ALK: variants seen among roughly 807,000 people sequenced by gnomAD.
The protein encoded by ALK is ALK receptor tyrosine kinase, also known as ALK tyrosine kinase receptor.
Under a neutral mutation model 163.1 loss-of-function variants are expected in ALK, and 74 were observed. The observed-to-expected ratio is 0.45, with a 90% confidence interval of 0.38 to 0.55. ALK has a LOEUF of 0.55. ALK is among the 20% of genes least tolerant of loss of function. The pLI is 0.00. For synonymous variants in ALK, 960 were observed against 843.2 expected, an observed-to-expected ratio of 1.14 and a Z score of -2.40; for missense variants, 2,063 against 2,105.3, an observed-to-expected ratio of 0.98 and a Z score of 0.39.
chr2:29,901,782 G>A (rs115477478), intron 1 of ALK, among the ~76,000 whole-genome samples: 3 of 152,242 alleles, frequency 2.0e-5, no homozygotes, highest in East Asian at 1.9e-4. Flanking sequence ...GAAGATCGCC[G>A]TATCTTCTGG....
intron 11 of ALK, among the ~76,000 whole-genome samples, chr2:29,269,573 A>G (rs1665323668): frequency 6.6e-6 from 1 of 152,202 alleles, no homozygotes. Flanking sequence ...ACGTGCTGCG[A>G]TGACTGGGGT....
At chr2:29,536,919 G>A (rs376617743) in intron 3 of ALK, among the ~76,000 whole-genome samples, 2 of 152,224 alleles carry the variant, frequency 1.3e-5, no homozygotes, top group South Asian at 4.1e-4. Context: ...TTGAACTTAA[G>A]AGTGATAACT....
intron 3 of ALK, among the ~76,000 whole-genome samples, chr2:29,584,801 T>C (rs746532504): frequency 3.9e-5 from 6 of 152,230 alleles, no homozygotes; most frequent in Non-Finnish European, 8.8e-5. Flanking sequence ...CATAAATGCA[T>C]TGTTACAATG....
chr2:29,887,765 T>C (rs772086335), intron 1 of ALK, among the ~76,000 whole-genome samples: 2 of 152,212 alleles, frequency 1.3e-5, no homozygotes, highest in Non-Finnish European at 2.9e-5. Flanking sequence ...TATCTTCCAT[T>C]GCACCAAAAT....
chr2:29,325,862 A>C (rs937604371), intron 6 of ALK, among the ~76,000 whole-genome samples: 2 of 152,262 alleles, frequency 1.3e-5, no homozygotes, highest in African/African-American at 2.4e-5. Flanking sequence ...TAAAGGCTCA[A>C]CAGGTAAGCT....
intron 3 of ALK, among the ~76,000 whole-genome samples, chr2:29,553,748 CCT>C (rs1372369315): frequency 1.3e-5 from 2 of 152,192 alleles, no homozygotes; most frequent in Non-Finnish European, 2.9e-5. Flanking sequence ...TCATTGCACC[CCT>C]GTCTGAACTG....
intron 1 of ALK, among the ~76,000 whole-genome samples, chr2:29,807,970 C>CT (rs566214159): frequency 2.9e-4 from 44 of 152,202 alleles, no homozygotes; most frequent in South Asian, 2.5e-3. Flanking sequence ...TGCCAAGCTC[C>CT]TTTTTTTAAC....
intron 5 of ALK, among the ~76,000 whole-genome samples, chr2:29,359,890 G>A (rs1241736550): frequency 6.6e-6 from 1 of 152,190 alleles, no homozygotes; most frequent in East Asian, 1.9e-4. Flanking sequence ...TTGTCCAGAT[G>A]CTTCCTCATC....
intron 5 of ALK, among the ~76,000 whole-genome samples, chr2:29,334,015 T>C (rs756007770): frequency 1.9e-4 from 29 of 152,220 alleles, no homozygotes; most frequent in Non-Finnish European, 3.7e-4. Flanking sequence ...GTAGGTCACA[T>C]GTGGGTTATC....
Position 29,650,222 on chromosome 2 carries a change from T to C in ALK, c.952+44628A>G, listed in dbSNP as rs184378687. Among the ~76,000 whole-genome samples the C allele has an allele frequency of 9.8e-5, 15 of 152,300 alleles. 1 individual carries two copies. In the East Asian group the frequency reaches 2.7e-3, roughly 28 times the overall value. ...GAACATATGGATAGGTTAGCAGCTA[T>C]AAAAGTCCTAATCTTCTAATTCTGT... On this transcript the variant is annotated intron_variant, in intron 3 of 28. Transcript: ENST00000389048.
intron 1 of ALK, among the ~76,000 whole-genome samples, chr2:29,916,611 A>G (rs1437377303): frequency 6.6e-6 from 1 of 152,184 alleles, no homozygotes; most frequent in Non-Finnish European, 1.5e-5. Context: ...GGTCAGATAT[A>G]TTGCATTGCA....
chr2:29,263,186 G>A (rs1275359826), intron 11 of ALK, among the ~76,000 whole-genome samples: 1 of 152,230 alleles, frequency 6.6e-6, no homozygotes, highest in African/African-American at 2.4e-5. Context: ...CTTCTGCCTT[G>A]TCCATTCTTG....
At chr2:29,372,353 C>T (rs77297246) in intron 5 of ALK, among the ~76,000 whole-genome samples, 10,881 of 152,244 alleles carry the variant, frequency 0.071, 502 homozygotes, top group Non-Finnish European at 0.11. Flanking sequence ...CCAGGGGATG[C>T]CATTTCACTT....
chr2:29,742,762 C>A (rs1558468567), intron 1 of ALK, among the ~76,000 whole-genome samples: 1 of 152,186 alleles, frequency 6.6e-6, no homozygotes, highest in Non-Finnish European at 1.5e-5. Context: ...GAACTACAAC[C>A]TGAAGAGCTT....
chr2:29,750,942 C>T (rs754071325), intron 1 of ALK, among the ~76,000 whole-genome samples: 6 of 151,890 alleles, frequency 4.0e-5, no homozygotes, highest in Non-Finnish European at 8.8e-5. Context: ...TGGTGGCCTG[C>T]GCCAGTAGTC....
intron 26 of ALK, among the ~76,000 whole-genome samples, chr2:29,201,935 A>G (rs1196042490): frequency 6.6e-6 from 1 of 152,126 alleles, no homozygotes; most frequent in African/African-American, 2.4e-5. Context: ...GTGTAAATTC[A>G]GTGGCAGAGA....
chr2:29,534,985 C>T (rs1389592766), intron 3 of ALK, among the ~76,000 whole-genome samples: 2 of 152,234 alleles, frequency 1.3e-5, no homozygotes, highest in Admixed American at 1.3e-4. Flanking sequence ...ATCTCTTCAT[C>T]AGCAGCTTTC....
chr2:29,302,450 G>A (rs964651101), intron 8 of ALK, among the ~76,000 whole-genome samples: 4 of 152,196 alleles, frequency 2.6e-5, no homozygotes, highest in African/African-American at 9.7e-5. Context: ...CCCGGGAGGC[G>A]GAGGTTGCAG....
At chr2:29,351,847 T>C (rs1351809335) in intron 5 of ALK, among the ~76,000 whole-genome samples, 3 of 152,126 alleles carry the variant, frequency 2.0e-5, no homozygotes, top group African/African-American at 7.2e-5. Context: ...AAGTGGCACT[T>C]AACTGGGGCT....
Sources: gnomAD v4.1 joint callset for allele counts (sites outside exome capture counted in the v4.1 genomes callset) on GRCh38, gnomAD v4.1.1 for gene constraint, MANE v1.5 for transcripts, NCBI Gene and HGNC (gene_info 2026-07-23, HGNC 2026-07-21) for gene names.